Variants in RAB33A observed in about 807,000 individuals in gnomAD.
RAB33A encodes RAB33A, member RAS oncogene family.
RAB33A carries 6 observed loss-of-function variants against 12.0 expected under a neutral mutation model. The observed-to-expected ratio is 0.50, with a 90% CI of 0.27 to 0.99. The LOEUF (loss-of-function observed/expected upper bound fraction) is 0.99. Among genes scored for constraint, RAB33A ranks in the 50% least tolerant of loss-of-function variants. RAB33A has a pLI of 0.11. For synonymous variants in RAB33A, 70 were observed against 82.4 expected (o/e 0.85, Z 0.81); for missense variants, 109 against 192.0 (o/e 0.57, Z 2.55).
intron 1 of RAB33A, among the ~76,000 whole-genome samples, chrX:130,173,108 C>A (rs1164784693): frequency 8.9e-6 from 1 of 112,045 alleles, no homozygotes; most frequent in East Asian, 2.8e-4. Context: ...AATGTTCAAT[C>A]CTCCCCCTCC....
At chrX:130,165,723 C>A in the RAB33A span, 1 of 922,636 alleles carries the variant, frequency 1.1e-6, no homozygotes, top group Non-Finnish European at 1.5e-6. Flanking sequence ...GGGTCAAACA[C>A]CGTGAGCCCC....
chrX:130,164,749 G>T, the RAB33A span, among the ~76,000 whole-genome samples: 1 of 111,350 alleles, frequency 9.0e-6, no homozygotes, highest in Admixed American at 9.5e-5. Context: ...TGCAGCGAAG[G>T]GATTAAGGAC....
the RAB33A span, among the ~76,000 whole-genome samples, chrX:130,127,381 A>G: frequency 2.7e-5 from 3 of 111,218 alleles, no homozygotes; most frequent in Non-Finnish European, 5.7e-5. Flanking sequence ...CCTTAAAAGC[A>G]GTGGCTATGT....
At chrX:130,159,644 T>G in the RAB33A span, among the ~76,000 whole-genome samples, 3 of 110,227 alleles carry the variant, frequency 2.7e-5, no homozygotes, top group Non-Finnish European at 3.8e-5. Context: ...TTCTGTTTAT[T>G]CCTCCAGAAG....
chrX:130,140,826 G>A, the RAB33A span, among the ~76,000 whole-genome samples: 1 of 112,488 alleles, frequency 8.9e-6, no homozygotes, highest in Admixed American at 9.4e-5. Context: ...ATAAGAAGTT[G>A]TCAGCCCAGG....
chrX:130,121,453 G>A, the RAB33A span, among the ~76,000 whole-genome samples: 1 of 109,997 alleles, frequency 9.1e-6, no homozygotes, highest in Admixed American at 9.7e-5. Context: ...GTTTCACCAC[G>A]TTGGCCAGGC....
the RAB33A span, among the ~76,000 whole-genome samples, chrX:130,121,766 C>T: frequency 8.9e-6 from 1 of 112,682 alleles, no homozygotes; most frequent in Non-Finnish European, 1.9e-5. Flanking sequence ...ACTAAGGTAT[C>T]CTTTTGTAAT....
chrX:130,139,290 C>G, the RAB33A span, among the ~76,000 whole-genome samples: 1 of 109,462 alleles, frequency 9.1e-6, no homozygotes, highest in African/African-American at 3.3e-5. Context: ...CAAGATCGCA[C>G]CACCGCACTC....
chrX:130,111,462 G>A, the RAB33A span, among the ~76,000 whole-genome samples: 2 of 112,943 alleles, frequency 1.8e-5, no homozygotes, highest in Non-Finnish European at 3.8e-5. Context: ...CGGGCCGTGC[G>A]GCGGGTGAGG....
At position 130,184,566 on chromosome X, in the gene RAB33A, A is replaced by G. The variant is rs765067597; in HGVS notation, c.540A>G (p.Thr180=). 6 of 1,211,846 alleles carry G rather than the reference A, an allele frequency of 5.0e-6. No individual in the cohort carries two copies. The South Asian group carries it at 5.3e-5, about 11-fold the overall frequency. ...CCCACAACATGCTCTTGTTTGAGACATCGGCCAAGGACCCCAAAGAGAGCC... is the reference window on the plus strand; with the variant it reads ...CCCACAACATGCTCTTGTTTGAGACGTCGGCCAAGGACCCCAAAGAGAGCC... ...ADAHNMLLFE[T]SAKDPKESQN... Residue 180 remains threonine, a synonymous_variant, in exon 2 of 2, where the codon ACA becomes ACG. Transcript: ENST00000257017.
chrX:130,134,015 G>A, the RAB33A span, among the ~76,000 whole-genome samples: 1 of 110,617 alleles, frequency 9.0e-6, no homozygotes, highest in African/African-American at 3.3e-5. Context: ...GACCAAGGTG[G>A]GTGGATCACA....
the RAB33A span, chrX:130,156,691 G>A: frequency 1.0e-6 from 1 of 996,335 alleles, no homozygotes; most frequent in South Asian, 1.9e-5. Flanking sequence ...CACTGTACAA[G>A]ACTTATTGCC....
chrX:130,162,481 C>T, the RAB33A span, among the ~76,000 whole-genome samples: 1 of 112,333 alleles, frequency 8.9e-6, no homozygotes, highest in African/African-American at 3.2e-5. Flanking sequence ...AAAGCTAAGA[C>T]ATGCAGTAAC....
the RAB33A span, chrX:130,147,640 C>T: frequency 8.3e-7 from 1 of 1,210,410 alleles, no homozygotes; most frequent in Non-Finnish European, 1.1e-6. Context: ...ACATAAAAAT[C>T]ATGACGCTTA....
In RAB33A at chrX:130,172,292, C is replaced by A; in HGVS notation, c.230C>A (p.Thr77Asn). 1 of 1,208,987 alleles carries A rather than the reference C, an allele frequency of 8.3e-7. No homozygotes were observed. Among genetic ancestry groups the A allele is most frequent in the Non-Finnish European group, 1.1e-6 (1 of 893,813 alleles). The change falls in exon 1 of 2, where the codon ACC (threonine) becomes AAC (asparagine). Residue 77 changes from threonine (T) to asparagine (N), a missense_variant. Thr to Asn is a moderately conservative substitution (Grantham distance 65). Coordinates refer to ENST00000257017, the MANE Select transcript of RAB33A (RefSeq NM_004794.3). ...ATCGGCGTGGACTTCAGGGAGAAGA[C>A]CGTGGAAATCGAGGGCGAGAAGATC... ...ATIGVDFREK[T>N]VEIEGEKIKV...
chrX:130,157,046 C>CG, the RAB33A span, among the ~76,000 whole-genome samples: 14 of 111,719 alleles, frequency 1.3e-4, no homozygotes, highest in African/African-American at 4.6e-4. Flanking sequence ...ACGCAACACT[C>CG]TAACCAGGAC....
chrX:130,127,326 A>G, the RAB33A span, among the ~76,000 whole-genome samples: 3 of 111,241 alleles, frequency 2.7e-5, no homozygotes, highest in Non-Finnish European at 5.7e-5. Context: ...ATTGTATTGG[A>G]GTTCTGCATC....
the RAB33A span, among the ~76,000 whole-genome samples, chrX:130,128,112 T>C: frequency 1.8e-5 from 2 of 111,808 alleles, no homozygotes; most frequent in African/African-American, 6.5e-5. Flanking sequence ...GGTGGAGATT[T>C]GGCCTGTTCT....
At chrX:130,175,803 C>A (rs1348212433) in intron 1 of RAB33A, among the ~76,000 whole-genome samples, 3 of 111,340 alleles carry the variant, frequency 2.7e-5, no homozygotes, top group Admixed American at 9.5e-5. Flanking sequence ...CTTTTTGCAC[C>A]TTGATTATCT....
Sources: gnomAD v4.1 joint callset for allele counts (sites outside exome capture counted in the v4.1 genomes callset) on GRCh38, gnomAD v4.1.1 for gene constraint, MANE v1.5 for transcripts, NCBI Gene and HGNC (gene_info 2026-07-23, HGNC 2026-07-21) for gene names.